The following SNX9 variants were observed in gnomAD, a reference collection of about 807,000 sequenced individuals.
SNX9 encodes sorting nexin 9.
A neutral mutation model predicts 89.4 loss-of-function variants in SNX9; 44 were observed. The observed-to-expected ratio is 0.49, with a 90% confidence interval of 0.39 to 0.63. The LOEUF (loss-of-function observed/expected upper bound fraction) is 0.63, where lower values mean the gene tolerates loss of function less well. SNX9 is among the 30% of genes least tolerant of loss of function. SNX9 has a pLI of 0.00. For missense variants in SNX9, 578 were observed against 736.1 expected, an observed-to-expected ratio of 0.79 and a Z score of 2.49; for synonymous variants, 236 against 247.8, an observed-to-expected ratio of 0.95 and a Z score of 0.45.
At chr6:157,860,789 G>A (rs972450102) in intron 1 of SNX9, among the ~76,000 whole-genome samples, 2 of 152,194 alleles carry the variant, frequency 1.3e-5, no homozygotes, top group Admixed American at 6.5e-5. Flanking sequence ...GTTTGGAAGA[G>A]TATGGTACAA....
intron 1 of SNX9, among the ~76,000 whole-genome samples, chr6:157,842,848 A>C (rs759670465): frequency 4.6e-5 from 7 of 152,322 alleles, no homozygotes; most frequent in Non-Finnish European, 8.8e-5. Context: ...CAGAGGCTAC[A>C]TGACCCCGAA....
intron 1 of SNX9, among the ~76,000 whole-genome samples, chr6:157,837,613 A>G (rs1335568782): frequency 6.6e-6 from 1 of 152,226 alleles, no homozygotes; most frequent in African/African-American, 2.4e-5. Flanking sequence ...AAGTAAAGAA[A>G]CAAATGTTTG....
intron 9 of SNX9, among the ~76,000 whole-genome samples, chr6:157,911,112 C>CAAATAAATAAAT (rs3838669): frequency 1.4e-3 from 207 of 150,618 alleles, no homozygotes; most frequent in African/African-American, 4.8e-3. Flanking sequence ...GACTCTGTCT[C>CAAATAAATAAAT]AAATAAATAA....
intron 13 of SNX9, among the ~76,000 whole-genome samples, chr6:157,932,518 C>T (rs908429432): frequency 2.6e-5 from 4 of 152,040 alleles, no homozygotes; most frequent in Admixed American, 1.3e-4. Context: ...TCTGGTGTAG[C>T]GCTTTTGTTT....
intron 6 of SNX9, among the ~76,000 whole-genome samples, chr6:157,903,267 CAT>C (rs147960582): frequency 0.025 from 3,806 of 152,206 alleles, 107 homozygotes; most frequent in African/African-American, 0.068. Context: ...AAATTAAAAA[CAT>C]AACATTTGAC....
chr6:157,914,304 T>C (rs9458847), intron 9 of SNX9, among the ~76,000 whole-genome samples: 1 of 151,812 alleles, frequency 6.6e-6, no homozygotes, highest in African/African-American at 2.4e-5. Context: ...GTGCTGAAGC[T>C]TCTGTTCAGC....
intron 1 of SNX9, among the ~76,000 whole-genome samples, chr6:157,855,894 G>A (rs1001659622): frequency 2.6e-5 from 4 of 152,080 alleles, no homozygotes; most frequent in Non-Finnish European, 4.4e-5. Context: ...CCACCACCAC[G>A]CCAAGCTAAT....
intron 3 of SNX9, among the ~76,000 whole-genome samples, chr6:157,873,630 A>G (rs902788107): frequency 2.7e-5 from 4 of 148,160 alleles, no homozygotes; most frequent in African/African-American, 9.8e-5. Flanking sequence ...TATATAAATT[A>G]TAAATATAGA....
At chr6:157,863,760 G>A (rs1440047442) in intron 1 of SNX9, among the ~76,000 whole-genome samples, 1 of 152,206 alleles carries the variant, frequency 6.6e-6, no homozygotes, top group African/African-American at 2.4e-5. Flanking sequence ...GAGGCAAAAT[G>A]CAAGGATAGG....
At chr6:157,864,320 C>CA (rs909888398) in intron 1 of SNX9, among the ~76,000 whole-genome samples, 22 of 152,258 alleles carry the variant, frequency 1.4e-4, no homozygotes, top group African/African-American at 4.6e-4. Context: ...CCATTTGCCG[C>CA]ACCTCCCAAT....
intron 4 of SNX9, among the ~76,000 whole-genome samples, chr6:157,891,027 C>CT (rs67186551): frequency 0.036 from 4,164 of 114,840 alleles, 285 homozygotes; most frequent in African/African-American, 0.097. Context: ...TTTTCTTTCT[C>CT]TTTTTTTTTT....
chr6:157,870,961 G>T lies in SNX9; in HGVS notation c.100-2141G>T, dbSNP rs1359947538. Among the ~76,000 whole-genome samples, 10 of 152,274 alleles carry T rather than the reference G, an allele frequency of 6.6e-5. 1 individual carries two copies. Among genetic ancestry groups the T allele is most frequent in the Admixed American group, 4.6e-4 (7 of 15,288 alleles). On this transcript the variant is annotated intron_variant, in intron 2 of 17. Transcript: ENST00000392185. ...TCGCATGCTCACACAGAGCTCCTGTGGAAGGAGAGAGTGAGAACTGTGGCA... is the reference window on the plus strand; with the variant it reads ...TCGCATGCTCACACAGAGCTCCTGTTGAAGGAGAGAGTGAGAACTGTGGCA...
intron 4 of SNX9, among the ~76,000 whole-genome samples, chr6:157,895,845 C>T (rs1782966451): frequency 6.6e-6 from 1 of 152,166 alleles, no homozygotes; most frequent in South Asian, 2.1e-4. Flanking sequence ...GTGCTAGATG[C>T]TCCATAGTCA....
intron 4 of SNX9, among the ~76,000 whole-genome samples, chr6:157,891,831 G>A (rs574688018): frequency 6.6e-6 from 1 of 152,328 alleles, no homozygotes; most frequent in African/African-American, 2.4e-5. Flanking sequence ...TATAGTGTGA[G>A]GAACAGCAGA....
intron 1 of SNX9, among the ~76,000 whole-genome samples, chr6:157,842,791 T>G (rs1781728673): frequency 6.6e-6 from 1 of 152,186 alleles, no homozygotes; most frequent in South Asian, 2.1e-4. Flanking sequence ...TTTACAATAG[T>G]GATGTTATCC....
At chr6:157,871,931 T>G (rs1172115540) in intron 2 of SNX9, among the ~76,000 whole-genome samples, 1 of 151,906 alleles carries the variant, frequency 6.6e-6, no homozygotes, top group East Asian at 1.9e-4. Flanking sequence ...TGTGAGCCAC[T>G]GTACCCAGCC....
At position 157,834,615 on chromosome 6, in the gene SNX9, A is replaced by G. The variant is rs533295117; in HGVS notation, c.12+11169A>G. 1.8e-3 allele frequency among the ~76,000 whole-genome samples: 275 copies of G among 152,002 alleles called. 1 individual carries two copies. The highest frequency in any genetic ancestry group is 0.01 in the Middle Eastern group (3 of 294). ...AACGATCCTCCTGTGTCAGCCTCCC[A>G]AAGAATTGTGATTACAGCCTCCCAA... On this transcript the variant is annotated intron_variant, in intron 1 of 17. Transcript: ENST00000392185.
intron 1 of SNX9, among the ~76,000 whole-genome samples, chr6:157,843,984 C>G (rs1781752759): frequency 6.8e-6 from 1 of 146,118 alleles, no homozygotes; most frequent in Admixed American, 7.0e-5. Flanking sequence ...AAGCAATTTT[C>G]CTGCCTTAGC....
intron 5 of SNX9, among the ~76,000 whole-genome samples, chr6:157,897,608 A>G (rs1015992941): frequency 2.6e-5 from 4 of 152,114 alleles, no homozygotes; most frequent in African/African-American, 9.7e-5. Flanking sequence ...CCCAGGTTCA[A>G]GTGATTCTCT....
Sources: gnomAD v4.1 joint callset for allele counts (sites outside exome capture counted in the v4.1 genomes callset) on GRCh38, gnomAD v4.1.1 for gene constraint, MANE v1.5 for transcripts, NCBI Gene and HGNC (gene_info 2026-07-23, HGNC 2026-07-21) for gene names.